AFG2A: variants seen among roughly 807,000 people sequenced by gnomAD.
AFG2A encodes the protein ATPase family gene 2 protein homolog A.
chr4:123,001,182 G>A, the AFG2A span, among the ~76,000 whole-genome samples: 1 of 149,810 alleles, frequency 6.7e-6, no homozygotes, highest in Non-Finnish European at 1.5e-5. Flanking sequence ...GCGTTTATTT[G>A]ATTCTTCTCT....
the AFG2A span, chr4:122,979,478 C>T: frequency 7.2e-7 from 1 of 1,389,400 alleles, no homozygotes; most frequent in Non-Finnish European, 9.8e-7. Flanking sequence ...CTAGGCTAAA[C>T]TTTAAAAAAA....
chr4:123,203,909 G>A, the AFG2A span, among the ~76,000 whole-genome samples: 1 of 152,118 alleles, frequency 6.6e-6, no homozygotes, highest in Non-Finnish European at 1.5e-5. Context: ...TCAAAGTGTT[G>A]GCAAGGTTGC....
At chr4:123,012,731 C>A in the AFG2A span, among the ~76,000 whole-genome samples, 1 of 151,900 alleles carries the variant, frequency 6.6e-6, no homozygotes, top group Non-Finnish European at 1.5e-5. Context: ...AAGTGTGGCA[C>A]CAAGATTGAA....
the AFG2A span, among the ~76,000 whole-genome samples, chr4:122,951,408 T>A: frequency 2.2e-5 from 3 of 138,644 alleles, no homozygotes; most frequent in Non-Finnish European, 4.4e-5. Flanking sequence ...AAGGGATGAC[T>A]GTATCCTATC....
At chr4:123,182,020 A>G in the AFG2A span, among the ~76,000 whole-genome samples, 2 of 151,720 alleles carry the variant, frequency 1.3e-5, no homozygotes, top group African/African-American at 4.8e-5. Flanking sequence ...TACTTACTAG[A>G]CTCTCTGGTT....
the AFG2A span, among the ~76,000 whole-genome samples, chr4:123,047,183 G>A: frequency 2.6e-5 from 4 of 152,076 alleles, no homozygotes; most frequent in South Asian, 2.1e-4. Context: ...ACTGCTTTCC[G>A]TAAATGGCTA....
chr4:123,154,777 C>T, the AFG2A span, among the ~76,000 whole-genome samples: 5 of 152,128 alleles, frequency 3.3e-5, no homozygotes, highest in South Asian at 1.0e-3. Context: ...GTGCCTAGTG[C>T]TTGACATATA....
chr4:123,071,198 G>T, the AFG2A span, among the ~76,000 whole-genome samples: 65 of 152,052 alleles, frequency 4.3e-4, no homozygotes, highest in East Asian at 0.011. Flanking sequence ...CTTGTTTCTC[G>T]GGCTGGGTGT....
the AFG2A span, among the ~76,000 whole-genome samples, chr4:123,302,739 G>C: frequency 6.6e-6 from 1 of 152,076 alleles, no homozygotes; most frequent in Non-Finnish European, 1.5e-5. Context: ...TCTATATCTT[G>C]ACATTTGCGA....
the AFG2A span, among the ~76,000 whole-genome samples, chr4:122,945,287 C>A: frequency 9.2e-5 from 14 of 152,362 alleles, no homozygotes; most frequent in Middle Eastern, 3.4e-3. Flanking sequence ...GTGGTGGGCT[C>A]CACCCAGTTC....
chr4:122,980,992 T>C, the AFG2A span, among the ~76,000 whole-genome samples: 1 of 152,176 alleles, frequency 6.6e-6, no homozygotes, highest in African/African-American at 2.4e-5. Flanking sequence ...GTGCAGAACT[T>C]TCTGGTTTGA....
chr4:122,988,126 C>T, the AFG2A span, among the ~76,000 whole-genome samples: 25 of 151,886 alleles, frequency 1.6e-4, no homozygotes, highest in African/African-American at 2.2e-4. Context: ...TCTCCTGGCC[C>T]GCAATGGATT....
At chr4:123,306,881 G>T in the AFG2A span, among the ~76,000 whole-genome samples, 22,376 of 152,258 alleles carry the variant, frequency 0.15, 1,837 homozygotes, top group Middle Eastern at 0.24. Context: ...CAATCTTGCT[G>T]GTAGTTGGCT....
chr4:123,062,736 T>A, the AFG2A span, among the ~76,000 whole-genome samples: 1 of 152,174 alleles, frequency 6.6e-6, no homozygotes, highest in Non-Finnish European at 1.5e-5. Flanking sequence ...CATACAAAAG[T>A]TAGAGTAAAA....
the AFG2A span, among the ~76,000 whole-genome samples, chr4:123,055,863 T>A: frequency 6.6e-6 from 1 of 152,220 alleles, no homozygotes; most frequent in Non-Finnish European, 1.5e-5. Flanking sequence ...CATAACTTCT[T>A]GTGGTGACTG....
At chr4:123,015,884 ACGGGGCGGC>A in the AFG2A span, among the ~76,000 whole-genome samples, 9 of 28,472 alleles carry the variant, frequency 3.2e-4, no homozygotes, top group African/African-American at 7.2e-4. Flanking sequence ...TCCCTCCCGG[ACGGGGCGGC>A]TGGCCGGGCA....
the AFG2A span, among the ~76,000 whole-genome samples, chr4:123,187,642 T>C: frequency 2.0e-5 from 3 of 152,268 alleles, no homozygotes; most frequent in East Asian, 5.8e-4. Flanking sequence ...TAAGCTAAAG[T>C]GATCCTCTCT....
the AFG2A span, among the ~76,000 whole-genome samples, chr4:123,242,445 T>C: frequency 6.6e-6 from 1 of 151,992 alleles, no homozygotes; most frequent in Admixed American, 6.6e-5. Context: ...AATAACACCA[T>C]GCATCTACAA....
At chr4:123,043,644 G>C in the AFG2A span, among the ~76,000 whole-genome samples, 10 of 152,218 alleles carry the variant, frequency 6.6e-5, no homozygotes, top group African/African-American at 2.4e-4. Context: ...TTTTACATTA[G>C]TAATTGAATA....
Sources: gnomAD v4.1 joint callset for allele counts (sites outside exome capture counted in the v4.1 genomes callset) on GRCh38, gnomAD v4.1.1 for gene constraint, MANE v1.5 for transcripts, NCBI Gene and HGNC (gene_info 2026-07-23, HGNC 2026-07-21) for gene names.